The following PDE8B variants were observed in gnomAD, a reference collection of about 807,000 sequenced individuals.
PDE8B encodes high affinity cAMP-specific and IBMX-insensitive 3',5'-cyclic phosphodiesterase 8B.
In PDE8B, 26 loss-of-function variants were observed where a neutral mutation model predicts 101.3. The observed-to-expected ratio is 0.26, with a 90% CI of 0.19 to 0.36. The LOEUF (loss-of-function observed/expected upper bound fraction) is 0.36, where lower values mean the gene tolerates loss of function less well. PDE8B is among the 10% of genes least tolerant of loss of function. The probability of loss-of-function intolerance (pLI) is 1.00; values close to 1 mark genes in which losing one functional copy is unlikely to be tolerated. For missense variants in PDE8B, 810 were observed against 1,163.1 expected (o/e 0.70, Z 4.42); for synonymous variants, 424 against 429.3 (o/e 0.99, Z 0.15).
chr5:77,162,857 C>A, the PDE8B span, among the ~76,000 whole-genome samples: 4 of 152,186 alleles, frequency 2.6e-5, no homozygotes, highest in Admixed American at 6.5e-5. Flanking sequence ...TCTCAGGGTA[C>A]AAGTCTGTAG....
chr5:77,409,195 G>A (rs569303263), intron 14 of PDE8B, 138 bp downstream of exon 14: 54 of 731,908 alleles, frequency 7.4e-5, no homozygotes, highest in South Asian at 6.1e-4. Flanking sequence ...AAGCAACTGC[G>A]TCAGAATTTA....
chr5:77,304,673 T>C (rs1176312738), intron 1 of PDE8B, among the ~76,000 whole-genome samples: 1 of 152,168 alleles, frequency 6.6e-6, no homozygotes, highest in African/African-American at 2.4e-5. Context: ...GCATAAAACA[T>C]AAAAGTAATG....
the PDE8B span, among the ~76,000 whole-genome samples, chr5:77,095,999 AT>A: frequency 1.3e-5 from 2 of 151,250 alleles, no homozygotes; most frequent in African/African-American, 2.4e-5. Flanking sequence ...CATGATACAC[AT>A]TTTTTTTTGA....
At chr5:77,338,958 G>A (rs1259366043) in intron 6 of PDE8B, among the ~76,000 whole-genome samples, 1 of 152,178 alleles carries the variant, frequency 6.6e-6, no homozygotes, top group African/African-American at 2.4e-5. Flanking sequence ...ATTCTGCAGT[G>A]CACATGGGGC....
the PDE8B span, among the ~76,000 whole-genome samples, chr5:77,162,483 A>G: frequency 1.3e-5 from 2 of 152,176 alleles, no homozygotes; most frequent in African/African-American, 2.4e-5. Flanking sequence ...ATTGAAAGGG[A>G]AGAACAGAGT....
the PDE8B span, among the ~76,000 whole-genome samples, chr5:77,176,222 T>TA: frequency 5.9e-5 from 9 of 151,970 alleles, no homozygotes; most frequent in African/African-American, 1.9e-4. Flanking sequence ...TCCAAACAAC[T>TA]AGACACGCAG....
the PDE8B span, among the ~76,000 whole-genome samples, chr5:77,125,510 C>T: frequency 1.1e-4 from 16 of 152,178 alleles, no homozygotes; most frequent in Admixed American, 2.6e-4. Flanking sequence ...GATACTTGTA[C>T]ACCAACGTCC....
chr5:77,089,264 G>T, the PDE8B span: 8 of 152,522 alleles, frequency 5.2e-5, no homozygotes, highest in African/African-American at 1.9e-4. Flanking sequence ...TGTGAACTGT[G>T]CACATTCAAG....
chr5:77,184,944 C>G, the PDE8B span, among the ~76,000 whole-genome samples: 3 of 152,326 alleles, frequency 2.0e-5, 1 homozygote, highest in South Asian at 6.2e-4. Flanking sequence ...CAGAGGCACT[C>G]AGGGCACCAG....
At position 77,426,455 on chromosome 5, in the gene PDE8B, T is replaced by C. The variant is rs370775538; in HGVS notation, c.2559T>C (p.His853=). The C allele has an allele frequency of 3.7e-6, 6 of 1,609,954 alleles. No homozygotes were observed. The African/African-American group carries it at 6.7e-5, about 18-fold the overall frequency. ...DMFDAWDAFA[H]LPALMQHLAD... ...TTTCTGTCTTTGCAGCCTTTGCACA[T>C]CTGCCAGCCCTGATGCAACATTTGG... The change falls in exon 22 of 22, where the codon CAT becomes CAC. Residue 853 remains histidine, a synonymous_variant. Coordinates refer to ENST00000264917, the MANE Select transcript of PDE8B (RefSeq NM_003719.5).
chr5:77,134,029 T>A, the PDE8B span, among the ~76,000 whole-genome samples: 3 of 152,170 alleles, frequency 2.0e-5, no homozygotes, highest in Non-Finnish European at 4.4e-5. Flanking sequence ...GGGGCCGATC[T>A]GTAGTCATGG....
the PDE8B span, among the ~76,000 whole-genome samples, chr5:77,134,122 C>T: frequency 1.3e-5 from 2 of 152,186 alleles, no homozygotes; most frequent in African/African-American, 4.8e-5. Flanking sequence ...ATGGGATCCA[C>T]TGGTCATATC....
At chr5:77,260,174 GAAAAAAAAGAA>G (rs1403849509) in intron 1 of PDE8B, among the ~76,000 whole-genome samples, 3 of 110,914 alleles carry the variant, frequency 2.7e-5, no homozygotes, top group Non-Finnish European at 5.7e-5. Flanking sequence ...AAAAAAAAAA[GAAAAAAAAGAA>G]AAAAAAAAGA....
intron 1 of PDE8B, among the ~76,000 whole-genome samples, chr5:77,223,993 C>T (rs1459691892): frequency 6.6e-6 from 1 of 152,202 alleles, no homozygotes; most frequent in Non-Finnish European, 1.5e-5. Context: ...TTCATCCATA[C>T]CTTCTAACAC....
intron 9 of PDE8B, among the ~76,000 whole-genome samples, chr5:77,352,882 C>T (rs893629429): frequency 1.3e-5 from 2 of 152,044 alleles, no homozygotes; most frequent in Non-Finnish European, 2.9e-5. Context: ...TTTTTATCTG[C>T]CTGAGAAGTG....
chr5:77,349,536 A>G lies in PDE8B; in HGVS notation c.994A>G (p.Asn332Asp). Residue 332 changes from asparagine (N) to aspartate (D), a missense_variant, in exon 8 of 22, where the codon AAT (asparagine) becomes GAT (aspartate). Transcript: ENST00000264917. ...KNRADLLDTI[N>D]TCIKKGKEWQ... The stretch of plus-strand genomic sequence containing the variant: ...CCGGGCAGACCTTCTCGACACCATC[A>G]ATACATGCATCAAGAAGGGAAAGGT... 1 of 1,614,220 alleles carries G rather than the reference A, an allele frequency of 6.2e-7. No homozygotes were observed. Among genetic ancestry groups the G allele is most frequent in the Non-Finnish European group, 8.5e-7 (1 of 1,180,032 alleles).
chr5:77,283,223 A>G lies in PDE8B; in HGVS notation c.340-28771A>G, dbSNP rs191239089. On this transcript the variant is annotated intron_variant, in intron 1 of 21. Transcript: ENST00000264917. The stretch of plus-strand genomic sequence containing the variant: ...ATTTTGCAGAAAGTAGAGTTCTCAT[A>G]TATTCGAAACCCTGCACCACCCCCC... Among the ~76,000 whole-genome samples, 11 of 152,256 alleles carry G rather than the reference A, an allele frequency of 7.2e-5. No individual in the cohort carries two copies. The East Asian group carries it at 2.1e-3, about 29-fold the overall frequency.
intron 1 of PDE8B, among the ~76,000 whole-genome samples, chr5:77,220,348 G>A (rs75532402): frequency 1.0e-3 from 154 of 152,292 alleles, no homozygotes; most frequent in African/African-American, 3.6e-3. Flanking sequence ...ATCTCCCTAC[G>A]GGCAGTGGTA....
At chr5:77,205,299 A>G in the PDE8B span, among the ~76,000 whole-genome samples, 181 of 152,344 alleles carry the variant, frequency 1.2e-3, 1 homozygote, top group Non-Finnish European at 2.2e-3. Flanking sequence ...GGCCTATGGC[A>G]AAAGGTCCAA....
Sources: gnomAD v4.1 joint callset for allele counts (sites outside exome capture counted in the v4.1 genomes callset) on GRCh38, gnomAD v4.1.1 for gene constraint, MANE v1.5 for transcripts, NCBI Gene and HGNC (gene_info 2026-07-23, HGNC 2026-07-21) for gene names.